Variants in DGKB observed in about 807,000 individuals in gnomAD.
DGKB encodes the protein diacylglycerol kinase beta.
In DGKB, 67 loss-of-function variants were observed where a neutral mutation model predicts 114.3. The ratio of observed to expected loss-of-function variants is 0.59; its 90% CI spans 0.48 to 0.72. The LOEUF (loss-of-function observed/expected upper bound fraction) is 0.72. Among genes scored for constraint, DGKB ranks in the 30% least tolerant of loss-of-function variants. DGKB has a pLI of 0.00. For synonymous variants in DGKB, 398 were observed against 323.1 expected, an observed-to-expected ratio of 1.23 and a Z score of -2.49; for missense variants, 907 against 975.2, an observed-to-expected ratio of 0.93 and a Z score of 0.93.
At chr7:14,397,408 G>A (rs1488182911) in intron 21 of DGKB, among the ~76,000 whole-genome samples, 2 of 152,072 alleles carry the variant, frequency 1.3e-5, no homozygotes, top group South Asian at 4.1e-4. Flanking sequence ...CCATAGTCCA[G>A]TTGTTAGAAA....
chr7:14,498,405 T>C (rs973049632), intron 20 of DGKB, among the ~76,000 whole-genome samples: 1 of 151,518 alleles, frequency 6.6e-6, no homozygotes, highest in African/African-American at 2.4e-5. Flanking sequence ...AAAAGGAAAA[T>C]GGAATAGGTA....
chr7:14,566,547 A>G (rs1319538096), intron 20 of DGKB, among the ~76,000 whole-genome samples: 1 of 152,168 alleles, frequency 6.6e-6, no homozygotes, highest in African/African-American at 2.4e-5. Context: ...TTAGTAGAAG[A>G]ATTTCTGCTG....
At chr7:14,878,814 G>A (rs1477445286) in intron 1 of DGKB, among the ~76,000 whole-genome samples, 2 of 148,430 alleles carry the variant, frequency 1.3e-5, no homozygotes, top group African/African-American at 4.9e-5. Context: ...TTTATATCAT[G>A]TGATTTATTA....
intron 23 of DGKB, among the ~76,000 whole-genome samples, chr7:14,272,755 T>A (rs1463210602): frequency 6.6e-6 from 1 of 152,218 alleles, no homozygotes; most frequent in African/African-American, 2.4e-5. Flanking sequence ...TGCATATTGT[T>A]GGTTTTTAAC....
At chr7:14,745,085 C>G (rs577989627) in intron 4 of DGKB, among the ~76,000 whole-genome samples, 10 of 152,174 alleles carry the variant, frequency 6.6e-5, no homozygotes, top group Non-Finnish European at 1.5e-4. Flanking sequence ...TGCAACCAAT[C>G]TTAGCAGGCA....
At chr7:14,945,332 C>T (rs1389990439) in intron 1 of DGKB, among the ~76,000 whole-genome samples, 4 of 151,666 alleles carry the variant, frequency 2.6e-5, no homozygotes, top group Non-Finnish European at 5.9e-5. Context: ...TTTGGAGAGG[C>T]GGTAGTAACC....
intron 21 of DGKB, among the ~76,000 whole-genome samples, chr7:14,412,841 C>T (rs988150388): frequency 5.3e-5 from 8 of 151,842 alleles, no homozygotes; most frequent in East Asian, 1.9e-4. Flanking sequence ...AATTAGAAGG[C>T]GTGATGGTGC....
intron 23 of DGKB, among the ~76,000 whole-genome samples, chr7:14,245,863 G>A (rs1037990489): frequency 1.3e-5 from 2 of 152,174 alleles, no homozygotes; most frequent in African/African-American, 4.8e-5. Context: ...ATGAGGTGGA[G>A]GTTGCAGTGA....
intron 21 of DGKB, among the ~76,000 whole-genome samples, chr7:14,454,617 C>T (rs954410890): frequency 3.3e-5 from 5 of 152,114 alleles, no homozygotes; most frequent in East Asian, 3.9e-4. Context: ...ATCAGATGCA[C>T]GTTAACTTTT....
Position 14,540,337 on chromosome 7 carries a change from T to C in DGKB, c.1770+33875A>G, listed in dbSNP as rs79150058. 1.5e-3 allele frequency among the ~76,000 whole-genome samples: 225 copies of C among 152,238 alleles called. 1 individual carries two copies. The highest frequency in any genetic ancestry group is 5.2e-3 in the African/African-American group (218 of 41,572). On this transcript the variant is annotated intron_variant, in intron 20 of 25. Transcript: ENST00000402815. ...ATAATAATAATTTATATTGTAAACA[T>C]TGTATTATGTATGTTCTGACATAAC...
chr7:14,382,467 C>A (rs184977518), intron 21 of DGKB, among the ~76,000 whole-genome samples: 4 of 145,888 alleles, frequency 2.7e-5, no homozygotes, highest in African/African-American at 1.0e-4. Context: ...CACACACACA[C>A]AGACACATAC....
intron 2 of DGKB, among the ~76,000 whole-genome samples, chr7:14,792,106 T>C (rs1300043485): frequency 6.6e-6 from 1 of 152,182 alleles, no homozygotes; most frequent in Non-Finnish European, 1.5e-5. Context: ...GATTTCTTTT[T>C]TGGAAGATAT....
intron 23 of DGKB, among the ~76,000 whole-genome samples, chr7:14,281,863 T>A: frequency 7.1e-6 from 1 of 140,440 alleles, no homozygotes; most frequent in African/African-American, 2.7e-5. Context: ...TTCAAAGCAG[T>A]GTGTAGAGGG....
intron 7 of DGKB, among the ~76,000 whole-genome samples, chr7:14,698,526 A>G (rs1041959640): frequency 6.6e-6 from 1 of 152,116 alleles, no homozygotes; most frequent in Admixed American, 6.5e-5. Flanking sequence ...TGGCTTGAAA[A>G]TAGATGTGAA....
At chr7:14,973,516 T>G (rs1329589162) in intron 1 of DGKB, among the ~76,000 whole-genome samples, 3 of 135,454 alleles carry the variant, frequency 2.2e-5, no homozygotes, top group African/African-American at 5.6e-5. Context: ...TTGTTTGTTT[T>G]TTGTTTTTTT....
intron 17 of DGKB, among the ~76,000 whole-genome samples, chr7:14,593,766 G>A (rs1366918511): frequency 2.6e-5 from 4 of 151,076 alleles, no homozygotes; most frequent in Non-Finnish European, 5.9e-5. Flanking sequence ...AACCAGAATG[G>A]AGTCACTTGT....
chr7:14,160,878 G>T (rs1269227536), intron 25 of DGKB, among the ~76,000 whole-genome samples: 1 of 152,014 alleles, frequency 6.6e-6, no homozygotes, highest in Non-Finnish European at 1.5e-5. Flanking sequence ...ATACTACAAG[G>T]CTACAGTAAC....
chr7:14,742,893 T>C (rs1453628565), intron 4 of DGKB, among the ~76,000 whole-genome samples: 2 of 152,196 alleles, frequency 1.3e-5, no homozygotes, highest in East Asian at 3.9e-4. Flanking sequence ...AAGGATTGTT[T>C]TAAATTAGAT....
intron 1 of DGKB, among the ~76,000 whole-genome samples, chr7:14,859,644 T>A (rs1034093524): frequency 2.6e-4 from 39 of 152,124 alleles, no homozygotes; most frequent in Non-Finnish European, 4.7e-4. Context: ...TTCACAAATT[T>A]TCTTTTCCAT....
Sources: allele counts gnomAD v4.1 joint callset (sites outside exome capture counted in the v4.1 genomes callset), GRCh38; gene constraint gnomAD v4.1.1; transcripts MANE v1.5; gene names NCBI Gene and HGNC (gene_info 2026-07-23, HGNC 2026-07-21).